The following STAT3 variants were observed in gnomAD, a reference collection of about 807,000 sequenced individuals.
The protein encoded by STAT3 is signal transducer and activator of transcription 3.
Under a neutral mutation model 114.3 loss-of-function variants are expected in STAT3, and 7 were observed. That is an observed-to-expected ratio of 0.06 (90% CI 0.03 to 0.11). The LOEUF (loss-of-function observed/expected upper bound fraction) is 0.11, where lower values mean the gene tolerates loss of function less well. STAT3 is among the 10% of genes least tolerant of loss of function. The pLI is 1.00. For synonymous variants in STAT3, 331 were observed against 354.5 expected, an observed-to-expected ratio of 0.93 and a Z score of 0.74; for missense variants, 364 against 960.9, an observed-to-expected ratio of 0.38 and a Z score of 8.21.
At chr17:42,386,135 G>T (rs1258830088) in intron 1 of STAT3, among the ~76,000 whole-genome samples, 1 of 152,082 alleles carries the variant, frequency 6.6e-6, no homozygotes, top group Non-Finnish European at 1.5e-5. Context: ...ACAAAAATTA[G>T]CTGGGCGTGG....
intron 1 of STAT3, among the ~76,000 whole-genome samples, chr17:42,373,732 A>C (rs1598510858): frequency 1.3e-5 from 2 of 151,868 alleles, no homozygotes; most frequent in South Asian, 4.2e-4. Flanking sequence ...AAAAATACAA[A>C]AAATTAGCCG....
At chr17:42,325,852 G>A (rs559669928) in intron 15 of STAT3, among the ~76,000 whole-genome samples, 9 of 152,144 alleles carry the variant, frequency 5.9e-5, no homozygotes, top group Admixed American at 2.0e-4. Context: ...GTGAGCCACC[G>A]CGCCCGGCCA....
intron 1 of STAT3, among the ~76,000 whole-genome samples, chr17:42,374,645 A>G (rs2145297620): frequency 6.6e-6 from 1 of 150,628 alleles, no homozygotes; most frequent in Admixed American, 6.6e-5. Context: ...AGTCTGAAGC[A>G]TGAATTCACA....
At chr17:42,327,557 CTG>C (rs1229097414) in intron 14 of STAT3, among the ~76,000 whole-genome samples, 2 of 152,132 alleles carry the variant, frequency 1.3e-5, no homozygotes, top group African/African-American at 4.8e-5. Flanking sequence ...TATAATCAGG[CTG>C]ATGTCCACTT....
At chr17:42,359,573 A>T (rs978296443) in intron 1 of STAT3, among the ~76,000 whole-genome samples, 1 of 152,240 alleles carries the variant, frequency 6.6e-6, no homozygotes, top group African/African-American at 2.4e-5. Flanking sequence ...AAGATGAAAA[A>T]TAAGAACCTT....
rs554778405 is a variant in STAT3 at position 42,329,060 on chromosome 17, GAGCCAAGCAGGGTC to G, written c.1281+336_1281+349del. ...AGAGAAAAACAGGGCACTAAAAATG[GAGCCAAGCAGGGTC>G]AGCCGCAGGAGCTGGATGGGGAATT... On this transcript the variant is annotated intron_variant, in intron 14 of 23. Transcript: ENST00000264657. 2.4e-4 allele frequency among the ~76,000 whole-genome samples: 37 copies of G among 152,280 alleles called. No homozygotes were observed. In the East Asian group the frequency reaches 6.8e-3, roughly 28 times the overall value.
At chr17:42,364,263 G>T (rs1166629080) in intron 1 of STAT3, among the ~76,000 whole-genome samples, 1 of 152,138 alleles carries the variant, frequency 6.6e-6, no homozygotes, top group African/African-American at 2.4e-5. Flanking sequence ...TTTCGAGTTT[G>T]GAGAGAAGCA....
intron 11 of STAT3, among the ~76,000 whole-genome samples, chr17:42,331,167 G>A (rs1044626908): frequency 9.2e-5 from 14 of 152,130 alleles, no homozygotes; most frequent in African/African-American, 2.9e-4. Context: ...TATCCCAGTC[G>A]TTAATTAACA....
intron 1 of STAT3, among the ~76,000 whole-genome samples, chr17:42,381,428 T>G (rs1282560970): frequency 6.6e-6 from 1 of 152,064 alleles, no homozygotes; most frequent in Non-Finnish European, 1.5e-5. Flanking sequence ...GCTAGGCTGT[T>G]AAAAGGAATT....
chr17:42,334,090 T>A (rs759695759), intron 8 of STAT3, 41 bp from the exon 9 acceptor site: 1 of 1,611,080 alleles, frequency 6.2e-7, no homozygotes, highest in Non-Finnish European at 8.5e-7. Context: ...CCAAAGTGAA[T>A]GTATACAGGT....
intron 14 of STAT3, among the ~76,000 whole-genome samples, chr17:42,327,199 TC>T (rs1371590549): frequency 6.6e-6 from 1 of 150,966 alleles, no homozygotes; most frequent in Non-Finnish European, 1.5e-5. Flanking sequence ...CCCAACCCCA[TC>T]CCCTTCCCTC....
At chr17:42,348,619 G>A in intron 1 of STAT3, 80 bp from the exon 2 acceptor site, 1 of 1,537,030 alleles carries the variant, frequency 6.5e-7, no homozygotes. Flanking sequence ...GCCCAACACA[G>A]GTGTCAGGTC....
chr17:42,368,425 G>T (rs923148691), intron 1 of STAT3, among the ~76,000 whole-genome samples: 2 of 152,148 alleles, frequency 1.3e-5, no homozygotes, highest in African/African-American at 4.8e-5. Context: ...GGATGACTAG[G>T]TTTGAGATAT....
intron 1 of STAT3, among the ~76,000 whole-genome samples, chr17:42,351,396 C>T (rs1451735723): frequency 1.3e-5 from 2 of 151,964 alleles, no homozygotes; most frequent in Non-Finnish European, 1.5e-5. Context: ...AGATGCGCAC[C>T]ACATCTGGCT....
chr17:42,366,375 CAAAATCTGG>C (rs987693516), intron 1 of STAT3, among the ~76,000 whole-genome samples: 2 of 124,696 alleles, frequency 1.6e-5, no homozygotes, highest in Admixed American at 7.5e-5. Context: ...GCTCTGTCTT[CAAAATCTGG>C]AAGTGACCGG....
At chr17:42,387,867 G>C in intron 1 of STAT3, 1 of 167,034 alleles carries the variant, frequency 6.0e-6, no homozygotes, top group Non-Finnish European at 1.3e-5. Flanking sequence ...GCCGCCGACC[G>C]GGCGGGGAGG....
chr17:42,381,640 G>C (rs1040313262), intron 1 of STAT3, among the ~76,000 whole-genome samples: 11 of 151,582 alleles, frequency 7.3e-5, no homozygotes, highest in Non-Finnish European at 1.0e-4. Context: ...GCTGAGGCAG[G>C]AGAGTGGCGT....
intron 1 of STAT3, among the ~76,000 whole-genome samples, chr17:42,366,938 C>T (rs982457801): frequency 2.0e-5 from 3 of 151,896 alleles, no homozygotes; most frequent in Non-Finnish European, 4.4e-5. Context: ...GTCAGGAGTT[C>T]GAGACCAGCC....
At chr17:42,346,852 C>T in intron 2 of STAT3, 139 bp from the exon 3 acceptor site, 1 of 1,190,250 alleles carries the variant, frequency 8.4e-7, no homozygotes, top group Non-Finnish European at 1.2e-6. Flanking sequence ...ATGTTAGATT[C>T]TTCTTGCTCA....
Sources: allele counts gnomAD v4.1 joint callset (sites outside exome capture counted in the v4.1 genomes callset), GRCh38; gene constraint gnomAD v4.1.1; transcripts MANE v1.5; gene names NCBI Gene and HGNC (gene_info 2026-07-23, HGNC 2026-07-21).